Variants in CXCL13 observed in about 807,000 individuals in gnomAD.
The protein encoded by CXCL13 is C-X-C motif chemokine ligand 13, also known as C-X-C motif chemokine 13.
CXCL13 carries 7 observed loss-of-function variants against 12.2 expected under a neutral mutation model. The observed-to-expected ratio is 0.57, with a 90% CI of 0.33 to 1.07. CXCL13 has a LOEUF of 1.07. Ranked by LOEUF, CXCL13 falls within the 50% of genes least tolerant of loss-of-function variation. The pLI is 0.04. For synonymous variants in CXCL13, 47 were observed against 42.4 expected, an observed-to-expected ratio of 1.11 and a Z score of -0.42; for missense variants, 113 against 127.4, an observed-to-expected ratio of 0.89 and a Z score of 0.55.
upstream of CXCL13, among the ~76,000 whole-genome samples, chr4:77,603,797 TCAGA>T (rs1208754813): frequency 2.3e-5 from 3 of 130,830 alleles, no homozygotes; most frequent in African/African-American, 2.6e-5. Context: ...GATTAGATAG[TCAGA>T]CAGACAGGCA....
chr4:77,514,715 C>A (rs1278146292), intron 1 of CXCL13, among the ~76,000 whole-genome samples: 1 of 151,926 alleles, frequency 6.6e-6, no homozygotes, highest in African/African-American at 2.4e-5. Context: ...AGCCCTTTGT[C>A]AGATGAGTAA....
At chr4:77,544,774 G>A (rs968058186) in intron 1 of CXCL13, among the ~76,000 whole-genome samples, 1 of 152,086 alleles carries the variant, frequency 6.6e-6, no homozygotes, top group Non-Finnish European at 1.5e-5. Context: ...GTCAATTTTG[G>A]CTTTTGTTGC....
At position 77,599,220 on chromosome 4, in the gene CXCL13, C is replaced by T. The variant is rs200574064; in HGVS notation, c.-42-6604C>T. 4.6e-5 allele frequency among the ~76,000 whole-genome samples: 7 copies of T among 152,102 alleles called. No homozygotes were observed. In the East Asian group the frequency reaches 5.8e-4, roughly 13 times the overall value. ...CTGCCAATGAACCTTCCTTGGTATC[C>T]GTGAGGATTGGTTGCAAGACTCCCG... On this transcript the variant is annotated intron_variant, in intron 1 of 4. Transcript: ENST00000286758.
chr4:77,561,493 A>G (rs1024406004), intron 1 of CXCL13, among the ~76,000 whole-genome samples: 1 of 152,248 alleles, frequency 6.6e-6, no homozygotes, highest in Non-Finnish European at 1.5e-5. Flanking sequence ...TTACAGATGA[A>G]AAACCTGATA....
chr4:77,582,241 G>A (rs1726354214), intron 1 of CXCL13, among the ~76,000 whole-genome samples: 1 of 152,076 alleles, frequency 6.6e-6, no homozygotes, highest in South Asian at 2.1e-4. Context: ...CAATAAAGCT[G>A]GGCCCTGTGG....
intron 1 of CXCL13, among the ~76,000 whole-genome samples, chr4:77,583,589 C>T (rs1406164436): frequency 2.0e-5 from 3 of 152,208 alleles, no homozygotes; most frequent in African/African-American, 7.2e-5. Flanking sequence ...GCCTTTTGTG[C>T]ACCTCAGGGT....
chr4:77,584,041 G>T (rs1236519001), intron 1 of CXCL13, among the ~76,000 whole-genome samples: 2 of 152,178 alleles, frequency 1.3e-5, no homozygotes, highest in Non-Finnish European at 2.9e-5. Flanking sequence ...ATGCCACTGA[G>T]ATTGTTCTCA....
intron 1 of CXCL13, among the ~76,000 whole-genome samples, chr4:77,519,833 T>C (rs566042853): frequency 6.6e-6 from 1 of 152,334 alleles, no homozygotes; most frequent in East Asian, 1.9e-4. Flanking sequence ...TCTTCTAGGA[T>C]TTTTATGATT....
At chr4:77,552,708 G>C (rs1462909490) in intron 1 of CXCL13, among the ~76,000 whole-genome samples, 1 of 152,256 alleles carries the variant, frequency 6.6e-6, no homozygotes. Context: ...GATATGCCTA[G>C]GCATGAAGCT....
chr4:77,535,390 T>G (rs778599145), intron 1 of CXCL13, among the ~76,000 whole-genome samples: 18 of 152,238 alleles, frequency 1.2e-4, no homozygotes, highest in Middle Eastern at 3.4e-3. Flanking sequence ...ACAAACTTAG[T>G]CCTCAAATCT....
rs555757167 is a variant in CXCL13 at position 77,524,338 on chromosome 4, G to T, written c.-43+12550G>T. Among the ~76,000 whole-genome samples, 4 of 152,354 alleles carry T rather than the reference G, an allele frequency of 2.6e-5. No individual in the cohort carries two copies. The East Asian group carries it at 5.8e-4, about 22-fold the overall frequency. On this transcript the variant is annotated intron_variant, in intron 1 of 4. Transcript: ENST00000286758. ...GTTCAGCTATCCCCTGCCTACAGAG[G>T]TGGAGTCTATAGAGGCAGTAGGCCT...
intron 1 of CXCL13, among the ~76,000 whole-genome samples, chr4:77,517,485 G>A (rs1724454955): frequency 6.6e-6 from 1 of 152,160 alleles, no homozygotes; most frequent in Non-Finnish European, 1.5e-5. Flanking sequence ...ATGAATCTGG[G>A]TGCTCCTGTA....
chr4:77,513,705 G>T (rs902290222), intron 1 of CXCL13, among the ~76,000 whole-genome samples: 7 of 151,932 alleles, frequency 4.6e-5, no homozygotes, highest in Non-Finnish European at 1.0e-4. Context: ...ACCCAACTCA[G>T]CCTCCCAAAA....
At chr4:77,591,361 T>C (rs988790249) in intron 1 of CXCL13, among the ~76,000 whole-genome samples, 11 of 151,812 alleles carry the variant, frequency 7.2e-5, no homozygotes, top group African/African-American at 2.7e-4. Flanking sequence ...CCATCCTGGC[T>C]AACAAGGTGA....
chr4:77,607,218 G>T (rs780349077), intron 1 of CXCL13, among the ~76,000 whole-genome samples: 1 of 152,226 alleles, frequency 6.6e-6, no homozygotes, highest in Non-Finnish European at 1.5e-5. Flanking sequence ...TTATAACTGA[G>T]TTGTAAGTCC....
chr4:77,519,836 T>C (rs1409417934), intron 1 of CXCL13, among the ~76,000 whole-genome samples: 1 of 152,244 alleles, frequency 6.6e-6, no homozygotes, highest in Non-Finnish European at 1.5e-5. Flanking sequence ...TCTAGGATTT[T>C]TATGATTTTA....
intron 1 of CXCL13, among the ~76,000 whole-genome samples, chr4:77,532,107 T>A (rs1359805433): frequency 6.6e-6 from 1 of 152,204 alleles, no homozygotes. Flanking sequence ...AGCTGGTTAT[T>A]TTGCTTGTTA....
intron 1 of CXCL13, among the ~76,000 whole-genome samples, chr4:77,555,279 A>T (rs1578051682): frequency 6.6e-6 from 1 of 152,192 alleles, no homozygotes; most frequent in South Asian, 2.1e-4. Flanking sequence ...GAACAAATGC[A>T]TGCAACAAAT....
At chr4:77,542,989 T>G (rs941706010) in intron 1 of CXCL13, among the ~76,000 whole-genome samples, 2 of 152,140 alleles carry the variant, frequency 1.3e-5, no homozygotes, top group Admixed American at 1.3e-4. Context: ...ACCCATTTGG[T>G]CTAGGGCTTT....
Sources: gnomAD v4.1 joint callset for allele counts (sites outside exome capture counted in the v4.1 genomes callset) on GRCh38, gnomAD v4.1.1 for gene constraint, MANE v1.5 for transcripts, NCBI Gene and HGNC (gene_info 2026-07-23, HGNC 2026-07-21) for gene names.